The following MAPK10 variants were observed in gnomAD, a reference collection of about 807,000 sequenced individuals.
MAPK10 encodes JNK3 alpha protein kinase.
In MAPK10, 25 loss-of-function variants were observed where a neutral mutation model predicts 59.3. That is an observed-to-expected ratio of 0.42 (90% confidence interval 0.31 to 0.59). MAPK10 has a LOEUF of 0.59. Ranked by LOEUF, MAPK10 falls within the 20% of genes least tolerant of loss-of-function variation. MAPK10 has a pLI of 0.15. For synonymous variants in MAPK10, 190 were observed against 200.5 expected (o/e 0.95, Z 0.44); for missense variants, 351 against 568.9 (o/e 0.62, Z 3.90).
At chr4:86,520,063 T>C (rs1564980701) in intron 1 of MAPK10, among the ~76,000 whole-genome samples, 1 of 152,214 alleles carries the variant, frequency 6.6e-6, no homozygotes, top group Non-Finnish European at 1.5e-5. Flanking sequence ...TTCTTTATTC[T>C]GACTTTAGGT....
intron 1 of MAPK10, among the ~76,000 whole-genome samples, chr4:86,536,676 A>G (rs1012519963): frequency 6.6e-6 from 1 of 152,180 alleles, no homozygotes; most frequent in African/African-American, 2.4e-5. Flanking sequence ...TTTTTTCAAC[A>G]TTGTGCATTA....
chr4:86,592,644 G>A (rs1420394265), intron 1 of MAPK10, among the ~76,000 whole-genome samples: 1 of 152,188 alleles, frequency 6.6e-6, no homozygotes, highest in African/African-American at 2.4e-5. Flanking sequence ...AATGGGGGAA[G>A]AACTGAGAAA....
At chr4:86,499,237 T>C (rs930352448) in intron 1 of MAPK10, among the ~76,000 whole-genome samples, 2 of 152,108 alleles carry the variant, frequency 1.3e-5, no homozygotes, top group African/African-American at 4.8e-5. Flanking sequence ...GATAAAAAGT[T>C]ATACAAAAGG....
At chr4:86,372,059 C>A (rs774699059) in intron 1 of MAPK10, among the ~76,000 whole-genome samples, 4 of 152,208 alleles carry the variant, frequency 2.6e-5, no homozygotes, top group Non-Finnish European at 4.4e-5. Context: ...AACTCTCCAC[C>A]CCCAAATCAA....
At chr4:86,055,655 A>G (rs1182651508) in intron 11 of MAPK10, among the ~76,000 whole-genome samples, 1 of 149,950 alleles carries the variant, frequency 6.7e-6, no homozygotes, top group Non-Finnish European at 1.5e-5. Context: ...GATCTTTTCT[A>G]TTAATAAAAA....
At chr4:86,057,162 C>T (rs1023985275) in intron 11 of MAPK10, among the ~76,000 whole-genome samples, 1 of 148,842 alleles carries the variant, frequency 6.7e-6, no homozygotes, top group Non-Finnish European at 1.5e-5. Flanking sequence ...TGGCCAGGCC[C>T]AAACTCCTGA....
chr4:86,350,455 C>T (rs914017053), intron 2 of MAPK10, among the ~76,000 whole-genome samples: 5 of 152,114 alleles, frequency 3.3e-5, no homozygotes, highest in African/African-American at 9.7e-5. Flanking sequence ...ACCTCGTGAT[C>T]CGCCCACCTC....
chr4:86,339,117 A>G (rs1723353254), intron 2 of MAPK10, among the ~76,000 whole-genome samples: 1 of 152,192 alleles, frequency 6.6e-6, no homozygotes, highest in South Asian at 2.1e-4. Context: ...CACACAGTGT[A>G]TCGGCAGGGC....
intron 11 of MAPK10, chr4:86,044,534 A>G: frequency 2.6e-6 from 1 of 388,888 alleles, no homozygotes. Flanking sequence ...TTCTAGAGAA[A>G]GTAGGTGATT....
chr4:86,165,980 A>G (rs2149245694), intron 3 of MAPK10, among the ~76,000 whole-genome samples: 1 of 152,312 alleles, frequency 6.6e-6, no homozygotes, highest in South Asian at 2.1e-4. Flanking sequence ...ATTATGTTGG[A>G]AAGCATATAA....
At chr4:86,417,197 AT>A (rs1194961821) in intron 1 of MAPK10, among the ~76,000 whole-genome samples, 4 of 152,044 alleles carry the variant, frequency 2.6e-5, no homozygotes, top group Non-Finnish European at 5.9e-5. Flanking sequence ...TATTTGCATA[AT>A]TTTTTAAGTT....
At chr4:86,174,714 T>C (rs558853260) in intron 3 of MAPK10, among the ~76,000 whole-genome samples, 2 of 152,322 alleles carry the variant, frequency 1.3e-5, no homozygotes, top group African/African-American at 2.4e-5. Context: ...AGTCACCAGA[T>C]AGAGGACAAC....
chr4:86,542,173 A>C (rs1378368477), intron 1 of MAPK10, among the ~76,000 whole-genome samples: 3 of 152,178 alleles, frequency 2.0e-5, no homozygotes, highest in African/African-American at 7.2e-5. Context: ...AAATAACATT[A>C]AGAAGCCCAA....
intron 3 of MAPK10, chr4:86,191,535 C>CTAGGA (rs2079790667): frequency 1.3e-5 from 1 of 78,358 alleles, no homozygotes; most frequent in South Asian, 4.9e-4. Context: ...TTATCAGAGA[C>CTAGGA]TAGGATTACA....
intron 2 of MAPK10, among the ~76,000 whole-genome samples, chr4:86,195,234 AAC>A (rs1156992328): frequency 1.3e-5 from 2 of 152,214 alleles, no homozygotes; most frequent in Non-Finnish European, 2.9e-5. Flanking sequence ...AGTTCAATTA[AAC>A]ACACTTTGTT....
chr4:86,092,401 G>C (rs1270902981), intron 9 of MAPK10, among the ~76,000 whole-genome samples: 1 of 151,900 alleles, frequency 6.6e-6, no homozygotes, highest in Non-Finnish European at 1.5e-5. Context: ...AATTTATATA[G>C]ATTTTTATGT....
At chr4:86,549,648 A>G (rs1246154381) in intron 1 of MAPK10, among the ~76,000 whole-genome samples, 2 of 152,282 alleles carry the variant, frequency 1.3e-5, no homozygotes, top group East Asian at 1.9e-4. Context: ...GTTTATTGAA[A>G]CAAAATAATT....
At chr4:86,385,365 G>A (rs1055487224) in intron 1 of MAPK10, among the ~76,000 whole-genome samples, 2 of 152,082 alleles carry the variant, frequency 1.3e-5, no homozygotes, top group African/African-American at 4.8e-5. Flanking sequence ...GGCAAAACTT[G>A]GCATTAGAAA....
At chr4:86,575,149 C>T (rs1761786639) in intron 1 of MAPK10, among the ~76,000 whole-genome samples, 1 of 152,156 alleles carries the variant, frequency 6.6e-6, no homozygotes, top group Admixed American at 6.5e-5. Context: ...TGAGCCGGGA[C>T]ATTGGCCTTC....
Sources: gnomAD v4.1 joint callset for allele counts (sites outside exome capture counted in the v4.1 genomes callset) on GRCh38, gnomAD v4.1.1 for gene constraint, MANE v1.5 for transcripts, NCBI Gene and HGNC (gene_info 2026-07-23, HGNC 2026-07-21) for gene names.